The following SLC27A6 variants were observed in gnomAD, a reference collection of about 807,000 sequenced individuals.
The protein encoded by SLC27A6 is solute carrier family 27 member 6.
A neutral mutation model predicts 63.9 loss-of-function variants in SLC27A6; 74 were observed. The observed-to-expected ratio is 1.16, with a 90% CI of 0.96 to 1.40. The LOEUF is 1.40. Among genes scored for constraint, SLC27A6 ranks in the 40% most tolerant of loss-of-function variants. SLC27A6 has a pLI of 0.00. For synonymous variants in SLC27A6, 287 were observed against 260.8 expected (o/e 1.10, Z -0.97); for missense variants, 794 against 732.9 (o/e 1.08, Z -0.96).
At chr5:128,989,306 ACACT>A (rs57660752) in intron 3 of SLC27A6, among the ~76,000 whole-genome samples, 4,656 of 152,250 alleles carry the variant, frequency 0.031, 241 homozygotes, top group African/African-American at 0.11. Flanking sequence ...TCTGCCATAG[ACACT>A]CAATAAATTA....
chr5:128,991,770 A>G (rs938952985), intron 4 of SLC27A6, among the ~76,000 whole-genome samples: 1 of 151,586 alleles, frequency 6.6e-6, no homozygotes, highest in Non-Finnish European at 1.5e-5. Flanking sequence ...TCCTTAACTG[A>G]AGAAGTCATT....
At chr5:129,029,471 C>A in intron 8 of SLC27A6, 106 bp from the exon 9 acceptor site, 1 of 710,266 alleles carries the variant, frequency 1.4e-6, no homozygotes, top group Non-Finnish European at 2.3e-6. Context: ...CTTATTATTA[C>A]TGAAATAGAT....
intron 8 of SLC27A6, among the ~76,000 whole-genome samples, chr5:129,028,904 C>G (rs1752332734): frequency 6.6e-6 from 1 of 151,878 alleles, no homozygotes; most frequent in Non-Finnish European, 1.5e-5. Flanking sequence ...AGGATTGTCT[C>G]ATGATGTTGA....
At position 129,027,317 on chromosome 5, in the gene SLC27A6, T is replaced by C; in HGVS notation, c.1440T>C (p.Thr480=). ...ATTTCCTTTATTTTTGGGACCGTAC[T>C]GGAGACACTTTCAGGTATGAAATGT... ...QDNFLYFWDR[T]GDTFRWKGEN... is the part of the protein sequence containing the mutation. The change falls in exon 7 of 10, where the codon ACT becomes ACC. Residue 480 remains threonine, a synonymous_variant. Coordinates refer to ENST00000262462, the MANE Select transcript of SLC27A6 (RefSeq NM_001017372.3). The C allele has an allele frequency of 6.2e-7, 1 of 1,610,600 alleles. No homozygotes were observed. The highest frequency in any genetic ancestry group is 8.5e-7 in the Non-Finnish European group (1 of 1,177,376).
chr5:128,978,459 CA>C (rs1159382202), intron 1 of SLC27A6, among the ~76,000 whole-genome samples: 2 of 152,166 alleles, frequency 1.3e-5, no homozygotes, highest in African/African-American at 2.4e-5. Flanking sequence ...GAGTACATGG[CA>C]ACCATTATTT....
rs557961699 is a variant in SLC27A6 at position 128,977,563 on chromosome 5, G to A, written c.482-7570G>A. 3.9e-5 allele frequency among the ~76,000 whole-genome samples: 6 copies of A among 152,266 alleles called. No homozygotes were observed. In the East Asian group the frequency reaches 7.7e-4, roughly 20 times the overall value. On this transcript the variant is annotated intron_variant, in intron 1 of 9. Transcript: ENST00000262462. ...GAAAGGAGGAAAAAGACAAAGGTAA[G>A]CCCTTCAGGCTTTTATGATTTAGCA... is the stretch of plus-strand genomic sequence containing the variant.
At chr5:128,967,634 C>G (rs1749957631) in intron 1 of SLC27A6, among the ~76,000 whole-genome samples, 1 of 152,086 alleles carries the variant, frequency 6.6e-6, no homozygotes, top group Non-Finnish European at 1.5e-5. Flanking sequence ...ATTTGTATAT[C>G]AAACCAAAGT....
At chr5:129,025,641 A>T (rs566571157) in intron 6 of SLC27A6, among the ~76,000 whole-genome samples, 8 of 152,256 alleles carry the variant, frequency 5.3e-5, no homozygotes, top group African/African-American at 1.9e-4. Context: ...AAAAGTGCTC[A>T]ATAGGTATAA....
rs1439156179 is a variant in SLC27A6 at position 128,966,401 on chromosome 5, G to A, written c.264G>A (p.Arg88=). ...ACACCTATCAGGATGTAGACAAAAG[G>A]AGCAGCAGAGTGGCCCATGTCTTCC... ...DIYTYQDVDK[R]SSRVAHVFLN... is the part of the protein sequence containing the mutation. Residue 88 remains arginine, a synonymous_variant, in exon 1 of 10, where the codon AGG becomes AGA. Coordinates refer to ENST00000262462, the MANE Select transcript of SLC27A6 (RefSeq NM_001017372.3). 14 of 1,611,504 alleles carry A rather than the reference G, an allele frequency of 8.7e-6. No homozygotes were observed. Among genetic ancestry groups the A allele is most frequent in the East Asian group, 2.2e-5 (1 of 44,886 alleles).
At chr5:128,995,254 C>T (rs924738408) in intron 4 of SLC27A6, among the ~76,000 whole-genome samples, 5 of 152,188 alleles carry the variant, frequency 3.3e-5, no homozygotes, top group African/African-American at 9.7e-5. Context: ...TTCCACCTAA[C>T]ACAGTCAACA....
intron 1 of SLC27A6, among the ~76,000 whole-genome samples, chr5:128,972,499 A>T (rs13183010): frequency 0.36 from 54,323 of 151,714 alleles, 9,764 homozygotes; most frequent in Admixed American, 0.39. Flanking sequence ...TTCTCGTTTC[A>T]TTTCATTTCA....
chr5:129,028,324 A>T, intron 7 of SLC27A6, 21 bp from the exon 8 acceptor site: 2 of 1,534,168 alleles, frequency 1.3e-6, no homozygotes, highest in South Asian at 2.2e-5. Context: ...CACTAACTGG[A>T]ATTTGATTTT....
chr5:129,028,315 A>T (rs1447946128), intron 7 of SLC27A6, 30 bp from the exon 8 acceptor site: 44 of 1,446,392 alleles, frequency 3.0e-5, no homozygotes, highest in Non-Finnish European at 4.3e-5. Context: ...ATACAGGTGC[A>T]CTAACTGGAA....
intron 3 of SLC27A6, among the ~76,000 whole-genome samples, chr5:128,989,169 G>C (rs1750891087): frequency 6.6e-6 from 1 of 152,214 alleles, no homozygotes; most frequent in Non-Finnish European, 1.5e-5. Context: ...AGTAAGTCAT[G>C]GGCCAGCCTA....
Position 128,988,596 on chromosome 5 carries a change from CCA to C in SLC27A6, c.686-3_686-2del. The stretch of plus-strand genomic sequence containing the variant: ...ATATTTCCTGTTCTTTTCTTTTCTT[CCA>C]GGTCTACCAAAAGCAGCTGTGATTA... On this transcript the variant is annotated splice_acceptor_variant and splice_polypyrimidine_tract_variant and intron_variant, in intron 2 of 9. Coordinates refer to ENST00000262462, the MANE Select transcript of SLC27A6 (RefSeq NM_001017372.3). LOFTEE classifies it high-confidence loss of function. 1 of 1,612,728 alleles carries C rather than the reference CCA, an allele frequency of 6.2e-7. No homozygotes were observed. Among genetic ancestry groups the C allele is most frequent in the Non-Finnish European group, 8.5e-7 (1 of 1,179,278 alleles).
chr5:128,989,923 C>CAAAA (rs11415836), intron 3 of SLC27A6, among the ~76,000 whole-genome samples: 1 of 96,464 alleles, frequency 1.0e-5, no homozygotes, highest in Non-Finnish European at 2.1e-5. Flanking sequence ...GACTCCGTCT[C>CAAAA]AAAAAAAAAA....
chr5:128,971,338 G>C (rs1033363209), intron 1 of SLC27A6, among the ~76,000 whole-genome samples: 1 of 152,096 alleles, frequency 6.6e-6, no homozygotes, highest in African/African-American at 2.4e-5. Flanking sequence ...TCATTGATCT[G>C]TCTAATATTG....
chr5:128,987,944 T>C (rs1456645769), intron 2 of SLC27A6, among the ~76,000 whole-genome samples: 1 of 152,054 alleles, frequency 6.6e-6, no homozygotes, highest in Non-Finnish European at 1.5e-5. Context: ...GCCTAAAAAT[T>C]TCCCAGCGAA....
At position 129,023,696 on chromosome 5, in the gene SLC27A6, T is replaced by G; in HGVS notation, c.1241T>G (p.Ile414Ser). The G allele has an allele frequency of 6.2e-7, 1 of 1,607,402 alleles. No individual in the cohort carries two copies. Among genetic ancestry groups the G allele is most frequent in the South Asian group, 1.1e-5 (1 of 90,186 alleles). The part of the protein sequence containing the change: ...EPMRNEQGWC[I>S]HVKKGEPGLL... ...ATGAGAAATGAGCAGGGTTGGTGTA[T>G]TCATGTGAAAAAAGGTAAGACTTCT... Residue 414 changes from isoleucine to serine, a missense_variant, in exon 6 of 10, where the codon ATT becomes AGT. Transcript: ENST00000262462.
Sources: gnomAD v4.1 joint callset for allele counts (sites outside exome capture counted in the v4.1 genomes callset) on GRCh38, gnomAD v4.1.1 for gene constraint, MANE v1.5 for transcripts, NCBI Gene and HGNC (gene_info 2026-07-23, HGNC 2026-07-21) for gene names.